ZMYND11: variants seen among roughly 807,000 people sequenced by gnomAD.
The protein encoded by ZMYND11 is zinc finger MYND domain-containing protein 11.
In ZMYND11, 9 loss-of-function variants were observed where a neutral mutation model predicts 84.9. That is an observed-to-expected ratio of 0.11 (90% CI 0.06 to 0.18). ZMYND11 has a LOEUF of 0.18. Ranked by LOEUF, ZMYND11 falls within the 10% of genes least tolerant of loss-of-function variation. ZMYND11 has a pLI of 1.00. For missense variants in ZMYND11, 409 were observed against 761.0 expected, an observed-to-expected ratio of 0.54 and a Z score of 5.44; for synonymous variants, 250 against 244.1, an observed-to-expected ratio of 1.02 and a Z score of -0.23.
intron 1 of ZMYND11, among the ~76,000 whole-genome samples, chr10:170,123 A>C (rs150511913): frequency 6.6e-6 from 1 of 152,246 alleles, no homozygotes; most frequent in East Asian, 1.9e-4. Context: ...AGTTGGAATG[A>C]AATGAAATGT....
At chr10:239,313 T>G (rs1282395259) in intron 6 of ZMYND11, 125 bp from the exon 7 acceptor site, 5 of 722,788 alleles carry the variant, frequency 6.9e-6, no homozygotes, top group Non-Finnish European at 9.4e-6. Flanking sequence ...TCTCTGTCAA[T>G]ACTGTGGGAT....
At position 187,600 on chromosome 10, in the gene ZMYND11, A is replaced by C. The variant is rs538056994; in HGVS notation, c.116+7472A>C. On this transcript the variant is annotated intron_variant, in intron 2 of 14. Coordinates refer to ENST00000381604, the MANE Select transcript of ZMYND11 (RefSeq NM_001370100.5). ...AGTGAGCCGAGATTGCGCCACTGCA[A>C]TCCGGCCTGGGCTAAACAGCGGGAC... is the stretch of plus-strand genomic sequence containing the variant. Among the ~76,000 whole-genome samples, 8 of 151,192 alleles carry C rather than the reference A, an allele frequency of 5.3e-5. No homozygotes were observed. In the East Asian group the frequency reaches 1.4e-3, roughly 26 times the overall value.
rs568820969 is a variant in ZMYND11, at chr10:166,242, TAA to T, written c.-19-13751_-19-13750del. Among the ~76,000 whole-genome samples, 9 of 152,208 alleles carry T rather than the reference TAA, an allele frequency of 5.9e-5. 1 individual carries two copies. The South Asian group carries it at 8.3e-4, about 14-fold the overall frequency. ...CATGAGCAACAAAAGAAAAAATAGT[TAA>T]GTTATATTTTATCAAAATTTGAAAG... is the stretch of plus-strand genomic sequence containing the variant. On this transcript the variant is annotated intron_variant, in intron 1 of 14. Coordinates refer to ENST00000381604, the MANE Select transcript of ZMYND11 (RefSeq NM_001370100.5).
chr10:135,028 A>G (rs1588315944), upstream of ZMYND11: 1 of 148,918 alleles, frequency 6.7e-6, no homozygotes, highest in East Asian at 2.0e-4. This position sits in a 1 kb window ranked among gnomAD's most constrained non-coding sequence, Gnocchi z 5.6. Flanking sequence ...CCGACACAAT[A>G]AACTCCGAGG....
chr10:194,687 TAC>T (rs1941313374), intron 2 of ZMYND11, among the ~76,000 whole-genome samples: 1 of 152,208 alleles, frequency 6.6e-6, no homozygotes, highest in South Asian at 2.1e-4. Flanking sequence ...TTAATGTGCT[TAC>T]TGACCAATTA....
chr10:247,041 C>G, intron 11 of ZMYND11, 68 bp downstream of exon 11: 1 of 1,409,520 alleles, frequency 7.1e-7, no homozygotes. Flanking sequence ...TTAGTGCACA[C>G]TCCTCACTGT....
intron 4 of ZMYND11, among the ~76,000 whole-genome samples, chr10:234,595 A>T (rs1949603374): frequency 6.6e-6 from 1 of 152,250 alleles, no homozygotes; most frequent in Admixed American, 6.5e-5. Flanking sequence ...AGATAAATTC[A>T]TATTTTAATG....
At chr10:149,285 G>GTTGTTATTA (rs1442758095) in intron 1 of ZMYND11, among the ~76,000 whole-genome samples, 143 of 139,314 alleles carry the variant, frequency 1.0e-3, no homozygotes, top group East Asian at 7.6e-3. Context: ...TGAGGTGGTT[G>GTTGTTATTA]TTATTATTAT....
At chr10:153,864 T>A (rs1275241078) in intron 1 of ZMYND11, among the ~76,000 whole-genome samples, 1 of 152,200 alleles carries the variant, frequency 6.6e-6, no homozygotes, top group Non-Finnish European at 1.5e-5. Context: ...TAGCAAATAT[T>A]AAAAAATTTC....
At chr10:239,836 C>T in intron 7 of ZMYND11, 1 of 548,544 alleles carries the variant, frequency 1.8e-6, no homozygotes, top group Non-Finnish European at 3.2e-6. Context: ...CCACATCATC[C>T]AAAGGTAAGG....
At chr10:152,194 G>A (rs896568257) in intron 1 of ZMYND11, among the ~76,000 whole-genome samples, 3 of 152,146 alleles carry the variant, frequency 2.0e-5, no homozygotes, top group Non-Finnish European at 4.4e-5. Context: ...CATAATGACA[G>A]GATCAAGTTC....
intron 2 of ZMYND11, among the ~76,000 whole-genome samples, chr10:188,436 C>A (rs934136843): frequency 8.0e-5 from 12 of 150,140 alleles, no homozygotes; most frequent in South Asian, 6.4e-4. Context: ...AAAAAAAAAA[C>A]CACAAAATTA....
intron 1 of ZMYND11, among the ~76,000 whole-genome samples, chr10:159,916 T>C (rs1173212129): frequency 6.6e-6 from 1 of 152,214 alleles, no homozygotes; most frequent in Non-Finnish European, 1.5e-5. Flanking sequence ...ATATCATAGG[T>C]GCCATCTGCA....
chr10:204,020 A>C (rs776993226), intron 2 of ZMYND11, among the ~76,000 whole-genome samples: 8 of 152,144 alleles, frequency 5.3e-5, no homozygotes, highest in Non-Finnish European at 8.8e-5. Flanking sequence ...ATATATTTAC[A>C]TTATTTCTAA....
intron 4 of ZMYND11, among the ~76,000 whole-genome samples, chr10:222,624 G>T (rs183949919): frequency 6.6e-6 from 1 of 151,790 alleles, no homozygotes; most frequent in East Asian, 1.9e-4. Flanking sequence ...TGTGGATTTC[G>T]ATTGTACATT....
At chr10:207,328 A>C (rs1944377615) in intron 2 of ZMYND11, among the ~76,000 whole-genome samples, 1 of 152,146 alleles carries the variant, frequency 6.6e-6, no homozygotes, top group African/African-American at 2.4e-5. Context: ...TAGCAGCATG[A>C]TTTATAGTCC....
At chr10:235,681 G>A (rs1276858588) in intron 4 of ZMYND11, among the ~76,000 whole-genome samples, 1 of 152,174 alleles carries the variant, frequency 6.6e-6, no homozygotes, top group Non-Finnish European at 1.5e-5. Flanking sequence ...TGTAATTGGC[G>A]TAAACGGAGC....
intron 1 of ZMYND11, among the ~76,000 whole-genome samples, chr10:164,299 T>C (rs1554763069): frequency 1.3e-5 from 2 of 152,168 alleles, no homozygotes; most frequent in African/African-American, 4.8e-5. Flanking sequence ...CATGGCTAGC[T>C]CTCTTTCACT....
intron 2 of ZMYND11, 73 bp from the exon 3 acceptor site, chr10:209,816 A>G (rs532178577): frequency 5.6e-6 from 8 of 1,423,222 alleles, no homozygotes; most frequent in South Asian, 4.2e-5. Flanking sequence ...AATTACCACC[A>G]TTTTCTTATT....
Sources: allele counts gnomAD v4.1 joint callset (sites outside exome capture counted in the v4.1 genomes callset), GRCh38; gene constraint gnomAD v4.1.1; non-coding constraint Gnocchi (gnomAD v3.1); transcripts MANE v1.5; gene names NCBI Gene and HGNC (gene_info 2026-07-23, HGNC 2026-07-21).